PDE4D: variants seen among roughly 807,000 people sequenced by gnomAD.
The protein encoded by PDE4D is phosphodiesterase 4D.
Under a neutral mutation model 87.4 loss-of-function variants are expected in PDE4D, and 24 were observed. That is an observed-to-expected ratio of 0.27 (90% CI 0.20 to 0.39). The LOEUF (loss-of-function observed/expected upper bound fraction) is 0.39. PDE4D is among the 10% of genes least tolerant of loss of function. The probability of loss-of-function intolerance (pLI) is 1.00; values close to 1 mark genes in which losing one functional copy is unlikely to be tolerated. For missense variants in PDE4D, 714 were observed against 1,041.0 expected, an observed-to-expected ratio of 0.69 and a Z score of 4.32; for synonymous variants, 384 against 383.2, an observed-to-expected ratio of 1.00 and a Z score of -0.02.
chr5:59,424,706 C>G (rs1046955024), intron 1 of PDE4D, among the ~76,000 whole-genome samples: 4 of 152,150 alleles, frequency 2.6e-5, no homozygotes, highest in African/African-American at 9.7e-5. Context: ...GGGTCCCTCC[C>G]ACAGCATGTG....
chr5:59,565,895 C>A (rs1323302766), intron 1 of PDE4D, among the ~76,000 whole-genome samples: 1 of 151,938 alleles, frequency 6.6e-6, no homozygotes, highest in Non-Finnish European at 1.5e-5. Flanking sequence ...ACCAAGACAG[C>A]AGAGCATAGT....
chr5:60,406,042 T>C (rs1297316184), intron 1 of PDE4D, among the ~76,000 whole-genome samples: 1 of 152,110 alleles, frequency 6.6e-6, no homozygotes, highest in Non-Finnish European at 1.5e-5. Flanking sequence ...TCCTAAATCA[T>C]AGTTTCAGAC....
At chr5:59,254,035 C>T (rs1010616414) in intron 1 of PDE4D, among the ~76,000 whole-genome samples, 1 of 151,998 alleles carries the variant, frequency 6.6e-6, no homozygotes, top group East Asian at 1.9e-4. Context: ...TAGGTTTTGT[C>T]TTAAAAAATA....
At chr5:60,144,742 ATTC>A (rs1254942433) in intron 2 of PDE4D, among the ~76,000 whole-genome samples, 1 of 152,166 alleles carries the variant, frequency 6.6e-6, no homozygotes, top group Non-Finnish European at 1.5e-5. Context: ...TGCACTTGTC[ATTC>A]TTCTTCACTA....
At chr5:58,987,416 G>C (rs2153332810) in intron 11 of PDE4D, among the ~76,000 whole-genome samples, 1 of 152,246 alleles carries the variant, frequency 6.6e-6, no homozygotes, top group South Asian at 2.1e-4. Flanking sequence ...TGAGTCATTA[G>C]AGTATATTTT....
At chr5:59,865,102 C>A (rs1195855453) in intron 1 of PDE4D, among the ~76,000 whole-genome samples, 1 of 152,170 alleles carries the variant, frequency 6.6e-6, no homozygotes, top group South Asian at 2.1e-4. Flanking sequence ...GCCTAGTATT[C>A]TCTACATTTC....
chr5:60,369,717 C>G (rs894533936), intron 1 of PDE4D, among the ~76,000 whole-genome samples: 2 of 151,970 alleles, frequency 1.3e-5, no homozygotes, highest in African/African-American at 4.8e-5. Context: ...TTCATAAGAC[C>G]CCAACATATG....
intron 1 of PDE4D, among the ~76,000 whole-genome samples, chr5:60,338,551 G>A (rs1758019203): frequency 6.6e-6 from 1 of 152,126 alleles, no homozygotes; most frequent in Non-Finnish European, 1.5e-5. Flanking sequence ...TGCACAGGGA[G>A]GTAAGGACAG....
chr5:59,409,343 G>A (rs745798289), intron 1 of PDE4D, among the ~76,000 whole-genome samples: 6 of 152,166 alleles, frequency 3.9e-5, no homozygotes, highest in Non-Finnish European at 7.4e-5. Flanking sequence ...AGACTGTTGA[G>A]AAGAGATGAT....
At chr5:60,434,688 A>C (rs1020621899) in intron 1 of PDE4D, among the ~76,000 whole-genome samples, 3 of 152,148 alleles carry the variant, frequency 2.0e-5, no homozygotes, top group Non-Finnish European at 4.4e-5. Context: ...TTAGTTGTAG[A>C]ATCTGAATCC....
intron 2 of PDE4D, among the ~76,000 whole-genome samples, chr5:60,042,826 C>A (rs1357969751): frequency 6.6e-6 from 1 of 152,106 alleles, no homozygotes; most frequent in Non-Finnish European, 1.5e-5. Flanking sequence ...GTAGATAAAT[C>A]CATGAAGATG....
upstream of PDE4D, among the ~76,000 whole-genome samples, chr5:60,491,827 C>A (rs1396193542): frequency 6.6e-6 from 1 of 152,072 alleles, no homozygotes; most frequent in African/African-American, 2.4e-5. Context: ...ATTGTTAGAC[C>A]CTGAGCAAGC....
intron 1 of PDE4D, among the ~76,000 whole-genome samples, chr5:59,399,245 T>C (rs1276688822): frequency 7.5e-6 from 1 of 133,806 alleles, no homozygotes; most frequent in Non-Finnish European, 1.7e-5. Context: ...AAAGTTCATA[T>C]GGAACCAAAA....
At chr5:60,060,106 A>G (rs1771227770) in intron 2 of PDE4D, among the ~76,000 whole-genome samples, 1 of 152,124 alleles carries the variant, frequency 6.6e-6, no homozygotes, top group Admixed American at 6.6e-5. Flanking sequence ...AAGAAAATTC[A>G]TAAATACTCT....
intron 1 of PDE4D, among the ~76,000 whole-genome samples, chr5:59,771,454 A>AAAGAAAGAGAGAG (rs1763453873): frequency 1.3e-5 from 1 of 77,706 alleles, no homozygotes; most frequent in African/African-American, 6.2e-5. Flanking sequence ...AGAAAGAAAG[A>AAAGAAAGAGAGAG]AAGAAAGAAA....
chr5:58,974,628 C>T lies in PDE4D; in HGVS notation c.*36G>A, dbSNP rs1299462808. ...ATGCACTTTGGAAACAATTTTTCTA[C>T]TTAAAAAAAAAAAAGGCATGAAAGT... On this transcript the variant is annotated 3_prime_UTR_variant, in exon 15 of 15. Transcript: ENST00000340635. The T allele has an allele frequency of 1.3e-6, 2 of 1,487,478 alleles. No homozygotes were observed. The highest frequency in any genetic ancestry group is 2.3e-5 in the Admixed American group (1 of 43,828). 92.1% of individuals were successfully genotyped at this position (1,487,478 alleles called of 1,614,324 possible).
rs1025882536 is a variant in PDE4D at position 60,193,344 on chromosome 5, A to G, written c.-89-7657T>C. Among the ~76,000 whole-genome samples, 16 of 152,300 alleles carry G rather than the reference A, an allele frequency of 1.1e-4. No homozygotes were observed. In the South Asian group the frequency reaches 2.3e-3, roughly 22 times the overall value. ...ATCTACAAAATAGGTTCATATTATT[A>G]TAAGTTAGAAAATAAATGCAATATG... is the stretch of plus-strand genomic sequence containing the variant. On this transcript the variant is annotated intron_variant, in intron 1 of 16. Coordinates refer to the PDE4D transcript ENST00000502484.
At chr5:59,571,875 T>C (rs1821902255) in intron 1 of PDE4D, among the ~76,000 whole-genome samples, 1 of 152,246 alleles carries the variant, frequency 6.6e-6, no homozygotes, top group African/African-American at 2.4e-5. Flanking sequence ...ATGTCACACA[T>C]TTCTGAAAGA....
At chr5:59,185,487 T>C (rs1321406376) in intron 3 of PDE4D, among the ~76,000 whole-genome samples, 1 of 152,170 alleles carries the variant, frequency 6.6e-6, no homozygotes, top group East Asian at 1.9e-4. Flanking sequence ...ATGCACATGG[T>C]GACAGTAGCA....
Sources: allele counts gnomAD v4.1 joint callset (sites outside exome capture counted in the v4.1 genomes callset), GRCh38; gene constraint gnomAD v4.1.1; transcripts MANE v1.5; gene names NCBI Gene and HGNC (gene_info 2026-07-23, HGNC 2026-07-21).